The following MAGI3 variants were observed in gnomAD, a reference collection of about 807,000 sequenced individuals.
The protein encoded by MAGI3 is membrane-associated guanylate kinase, WW and PDZ domain-containing protein 3.
A neutral mutation model predicts 121.8 loss-of-function variants in MAGI3; 43 were observed. The observed-to-expected ratio is 0.35, with a 90% CI of 0.28 to 0.46. The LOEUF is 0.46. Among genes scored for constraint, MAGI3 ranks in the 20% least tolerant of loss-of-function variants. The pLI is 1.00. For synonymous variants in MAGI3, 553 were observed against 639.3 expected (o/e 0.86, Z 2.04); for missense variants, 1,547 against 1,797.3 (o/e 0.86, Z 2.52).
intron 15 of MAGI3, 84 bp downstream of exon 15, chr1:113,654,102 C>A: frequency 8.8e-7 from 1 of 1,131,778 alleles, no homozygotes; most frequent in Non-Finnish European, 1.3e-6. Flanking sequence ...TAATTAGGAG[C>A]TATGTATAAA....
At chr1:113,511,602 C>T (rs1274871429) in intron 1 of MAGI3, among the ~76,000 whole-genome samples, 6 of 152,186 alleles carry the variant, frequency 3.9e-5, no homozygotes, top group Non-Finnish European at 4.4e-5. Context: ...GTTTGGACCT[C>T]ACAATCTAAG....
chr1:113,522,898 G>C (rs1658271155), intron 1 of MAGI3, among the ~76,000 whole-genome samples: 1 of 152,154 alleles, frequency 6.6e-6, no homozygotes. Flanking sequence ...GGAAATGTAA[G>C]AAAGAGACAA....
At chr1:113,645,959 T>A (rs1243070441) in intron 11 of MAGI3, among the ~76,000 whole-genome samples, 1 of 152,248 alleles carries the variant, frequency 6.6e-6, no homozygotes, top group African/African-American at 2.4e-5. Flanking sequence ...TCTTAATATA[T>A]GTGAATTGGC....
chr1:113,633,354 C>T (rs901781217), intron 9 of MAGI3, among the ~76,000 whole-genome samples: 11 of 141,936 alleles, frequency 7.7e-5, no homozygotes, highest in South Asian at 4.6e-4. Context: ...CTCCGCCTCC[C>T]GGGTTCACGC....
intron 1 of MAGI3, among the ~76,000 whole-genome samples, chr1:113,541,572 G>A (rs941442763): frequency 6.6e-6 from 1 of 152,150 alleles, no homozygotes; most frequent in Non-Finnish European, 1.5e-5. Context: ...CCTGTAACGA[G>A]CGTGGCATAC....
intron 1 of MAGI3, among the ~76,000 whole-genome samples, chr1:113,504,666 A>C (rs965028197): frequency 6.6e-6 from 1 of 152,126 alleles, no homozygotes; most frequent in Non-Finnish European, 1.5e-5. Flanking sequence ...TATTTATTAA[A>C]ATGGAAAATA....
At chr1:113,412,010 C>T (rs1030532880) in intron 1 of MAGI3, among the ~76,000 whole-genome samples, 50 of 148,578 alleles carry the variant, frequency 3.4e-4, no homozygotes, top group Admixed American at 3.3e-3. Flanking sequence ...TCTCCTAATG[C>T]TATCCCTCTC....
At chr1:113,627,411 GA>G (rs900739846) in intron 9 of MAGI3, among the ~76,000 whole-genome samples, 1 of 151,664 alleles carries the variant, frequency 6.6e-6, no homozygotes, top group Non-Finnish European at 1.5e-5. Context: ...GCCATTGGAT[GA>G]AATGTTCTGT....
intron 1 of MAGI3, among the ~76,000 whole-genome samples, chr1:113,421,788 G>C (rs971397802): frequency 6.6e-6 from 1 of 152,042 alleles, no homozygotes; most frequent in Non-Finnish European, 1.5e-5. Flanking sequence ...AATTACTTCT[G>C]TATTTGCTTT....
intron 1 of MAGI3, among the ~76,000 whole-genome samples, chr1:113,431,853 C>G (rs1653314107): frequency 6.6e-6 from 1 of 151,950 alleles, no homozygotes; most frequent in Non-Finnish European, 1.5e-5. Context: ...AATTTGGAAA[C>G]TTATTTTAAA....
chr1:113,590,414 G>T, intron 4 of MAGI3, 70 bp from the exon 5 acceptor site: 3 of 1,496,780 alleles, frequency 2.0e-6, no homozygotes, highest in Non-Finnish European at 1.8e-6. Flanking sequence ...TTTTAGAAAG[G>T]AAAGGTGCTG....
chr1:113,620,153 G>A (rs779662419), intron 8 of MAGI3, among the ~76,000 whole-genome samples: 17 of 152,082 alleles, frequency 1.1e-4, no homozygotes, highest in African/African-American at 3.6e-4. Context: ...CCAGTTCATC[G>A]TTAGCTTTTC....
chr1:113,392,581 T>G (rs770765380), intron 1 of MAGI3, among the ~76,000 whole-genome samples: 8 of 152,236 alleles, frequency 5.3e-5, no homozygotes, highest in Non-Finnish European at 8.8e-5. Context: ...ATTGTGGATA[T>G]GTATACACAC....
intron 1 of MAGI3, among the ~76,000 whole-genome samples, chr1:113,456,963 G>A (rs568035433): frequency 9.9e-5 from 15 of 151,848 alleles, no homozygotes; most frequent in Middle Eastern, 3.4e-3. Context: ...CAGGCCGATT[G>A]GTTATATCTA....
intron 2 of MAGI3, among the ~76,000 whole-genome samples, chr1:113,552,662 G>A (rs571193017): frequency 6.6e-6 from 1 of 152,148 alleles, no homozygotes; most frequent in South Asian, 2.1e-4. Flanking sequence ...CTCAGTGTGA[G>A]GTTTTTATCC....
At chr1:113,582,183 C>T (rs1648079653) in intron 3 of MAGI3, among the ~76,000 whole-genome samples, 1 of 152,080 alleles carries the variant, frequency 6.6e-6, no homozygotes, top group Admixed American at 6.6e-5. Context: ...ACACTGCTGG[C>T]AAGACTATAA....
At chr1:113,585,705 G>A in intron 4 of MAGI3, 109 bp downstream of exon 4, 1 of 914,276 alleles carries the variant, frequency 1.1e-6, no homozygotes, top group Non-Finnish European at 1.7e-6. Flanking sequence ...AGCAAGTGAT[G>A]GGATTTTAAT....
intron 1 of MAGI3, among the ~76,000 whole-genome samples, chr1:113,489,432 A>C (rs1656567915): frequency 6.6e-6 from 1 of 152,212 alleles, no homozygotes; most frequent in Non-Finnish European, 1.5e-5. Flanking sequence ...TAAGCCCACA[A>C]AGATGAGAAA....
intron 1 of MAGI3, among the ~76,000 whole-genome samples, chr1:113,468,539 G>A (rs760701670): frequency 1.1e-4 from 16 of 152,170 alleles, no homozygotes; most frequent in Non-Finnish European, 1.3e-4. Context: ...GGACAGGACA[G>A]CTCACCACTT....
Sources: allele counts gnomAD v4.1 joint callset (sites outside exome capture counted in the v4.1 genomes callset), GRCh38; gene constraint gnomAD v4.1.1; transcripts MANE v1.5; gene names NCBI Gene and HGNC (gene_info 2026-07-23, HGNC 2026-07-21).